PRKD1: variants seen among roughly 807,000 people sequenced by gnomAD.
PRKD1 encodes the protein serine/threonine-protein kinase D1.
Under a neutral mutation model 95.9 loss-of-function variants are expected in PRKD1, and 63 were observed. The observed-to-expected ratio is 0.66, with a 90% CI of 0.54 to 0.81. The LOEUF is 0.81. Among genes scored for constraint, PRKD1 ranks in the 30% least tolerant of loss-of-function variants. PRKD1 has a pLI of 0.00. For synonymous variants in PRKD1, 425 were observed against 423.1 expected (o/e 1.00, Z -0.05); for missense variants, 1,048 against 1,165.3 (o/e 0.90, Z 1.47).
At chr14:29,864,540 T>TA (rs1483578769) in intron 1 of PRKD1, among the ~76,000 whole-genome samples, 2 of 152,106 alleles carry the variant, frequency 1.3e-5, no homozygotes, top group Non-Finnish European at 2.9e-5. Flanking sequence ...CTTTTTCTCC[T>TA]AAAAATACCC....
rs1460293121 is a variant in PRKD1 at position 29,826,732 on chromosome 14, C to T, written c.264+100517G>A. On this transcript the variant is annotated intron_variant, in intron 1 of 17. Transcript: ENST00000331968. ...ACACATATATATATACATATATATA[C>T]ACATATATATACACATATATATATA... 1.3e-3 allele frequency among the ~76,000 whole-genome samples: 68 copies of T among 52,660 alleles called. 2 individuals carry two copies. The highest frequency in any genetic ancestry group is 1.7e-3 in the Non-Finnish European group (48 of 28,422). 34.5% of individuals were successfully genotyped at this position (52,660 alleles called of 152,430 possible). A position where few individuals can be genotyped will look rare whatever the true frequency, so the allele number is the denominator to read the frequency against.
intron 2 of PRKD1, among the ~76,000 whole-genome samples, chr14:29,700,740 C>T (rs566977761): frequency 1.8e-4 from 28 of 152,228 alleles, no homozygotes; most frequent in African/African-American, 6.3e-4. Flanking sequence ...GGGAGGACCT[C>T]GTCCAATCAG....
At chr14:29,874,932 G>C (rs1169851769) in intron 1 of PRKD1, among the ~76,000 whole-genome samples, 3 of 152,088 alleles carry the variant, frequency 2.0e-5, no homozygotes, top group African/African-American at 7.2e-5. Context: ...AAGCAGACCA[G>C]GGTGACTATA....
chr14:29,819,178 A>G (rs1251361970), intron 1 of PRKD1, among the ~76,000 whole-genome samples: 2 of 152,256 alleles, frequency 1.3e-5, no homozygotes, highest in Admixed American at 6.5e-5. Flanking sequence ...TATTGGCTCA[A>G]TTGATAAAAC....
chr14:29,602,607 T>C (rs185956679), intron 13 of PRKD1, among the ~76,000 whole-genome samples: 142 of 151,954 alleles, frequency 9.3e-4, no homozygotes, highest in African/African-American at 3.3e-3. Context: ...TTTTGTATGT[T>C]TTGTAGAGAT....
At chr14:29,681,103 G>A (rs999085670) in intron 2 of PRKD1, among the ~76,000 whole-genome samples, 13 of 152,206 alleles carry the variant, frequency 8.5e-5, no homozygotes, top group Non-Finnish European at 1.5e-4. Context: ...AAATGGTCTA[G>A]GAACTTCTTC....
chr14:29,701,318 G>A (rs376893862), intron 2 of PRKD1, among the ~76,000 whole-genome samples: 11 of 152,100 alleles, frequency 7.2e-5, no homozygotes, highest in African/African-American at 1.4e-4. Flanking sequence ...AAAAATCTAC[G>A]TTTTCACAAG....
Position 29,690,952 on chromosome 14 carries a change from G to A in PRKD1, c.404-24744C>T, listed in dbSNP as rs534523346. Among the ~76,000 whole-genome samples, 140 of 152,108 alleles carry A rather than the reference G, an allele frequency of 9.2e-4. 1 individual carries two copies. Among genetic ancestry groups the A allele is most frequent in the African/African-American group, 2.4e-3 (98 of 41,486 alleles). ...TCTCCCCCATGTGCTTGTCTTTACC[G>A]TGGTAATGTATGATAACTGGTGAAT... On this transcript the variant is annotated intron_variant, in intron 2 of 17. Transcript: ENST00000331968.
Position 29,725,677 on chromosome 14 carries a change from G to A in PRKD1, c.265-3C>T, listed in dbSNP as rs1886106544. On this transcript the variant is annotated splice_polypyrimidine_tract_variant and splice_region_variant and intron_variant, in intron 1 of 17. Transcript: ENST00000331968. ...CCGTAGAAACCACATTCAGGGAACTGCAAATACAAATACCATGAGAGTGTA... is the reference window on the plus strand; with the variant it reads ...CCGTAGAAACCACATTCAGGGAACTACAAATACAAATACCATGAGAGTGTA... 1 of 1,612,518 alleles carries A rather than the reference G, an allele frequency of 6.2e-7. No homozygotes were observed. The highest frequency in any genetic ancestry group is 1.1e-5 in the South Asian group (1 of 90,848).
At chr14:29,893,947 C>G (rs1313530713) in intron 1 of PRKD1, among the ~76,000 whole-genome samples, 1 of 152,168 alleles carries the variant, frequency 6.6e-6, no homozygotes, top group Non-Finnish European at 1.5e-5. Flanking sequence ...AAAGAAATAC[C>G]TGCATATCTT....
intron 1 of PRKD1, among the ~76,000 whole-genome samples, chr14:29,770,886 C>T (rs1352697305): frequency 2.3e-5 from 3 of 129,204 alleles, no homozygotes; most frequent in Admixed American, 9.0e-5. Flanking sequence ...GAGCCATGAT[C>T]GTGCCACTGC....
intron 2 of PRKD1, among the ~76,000 whole-genome samples, chr14:29,668,968 A>G (rs1882683505): frequency 6.6e-6 from 1 of 152,228 alleles, no homozygotes; most frequent in African/African-American, 2.4e-5. Context: ...CACCAGAACC[A>G]TATAAACTCT....
chr14:29,787,035 T>C (rs997517414), intron 1 of PRKD1, among the ~76,000 whole-genome samples: 2 of 152,186 alleles, frequency 1.3e-5, no homozygotes, highest in Non-Finnish European at 2.9e-5. Context: ...TTCTTCAATT[T>C]TCATTTGTTC....
At chr14:29,845,435 T>A (rs914417772) in intron 1 of PRKD1, among the ~76,000 whole-genome samples, 1 of 152,188 alleles carries the variant, frequency 6.6e-6, no homozygotes, top group Non-Finnish European at 1.5e-5. Flanking sequence ...AAACATACTT[T>A]TAAAAATCGT....
At position 29,725,525 on chromosome 14, in the gene PRKD1, A is replaced by C. The variant is rs1163958523; in HGVS notation, c.403+11T>G. The C allele has an allele frequency of 1.2e-6, 2 of 1,611,034 alleles. No homozygotes were observed. On this transcript the variant is annotated intron_variant, in intron 2 of 17. Transcript: ENST00000331968. ...ATCTACGGATAAAGAAAAGGTATAA[A>C]AGTATACTACCTGACAAGACCACTT...
chr14:29,687,158 C>T (rs1320159031), intron 2 of PRKD1, among the ~76,000 whole-genome samples: 2 of 151,892 alleles, frequency 1.3e-5, no homozygotes, highest in Non-Finnish European at 2.9e-5. Flanking sequence ...AAGAAAAAAA[C>T]AGAACAGAGA....
chr14:29,822,598 C>T (rs149513116), intron 1 of PRKD1, among the ~76,000 whole-genome samples: 2,262 of 152,230 alleles, frequency 0.015, 25 homozygotes, highest in Middle Eastern at 0.027. Flanking sequence ...TCCTTAGCTT[C>T]CTAAGGAAGA....
intron 14 of PRKD1, 98 bp from the exon 15 acceptor site, chr14:29,599,223 T>G (rs532716608): frequency 4.6e-5 from 45 of 970,988 alleles, no homozygotes; most frequent in Non-Finnish European, 6.5e-5. Context: ...CAATGGACAT[T>G]CAAATTTCTT....
intron 1 of PRKD1, among the ~76,000 whole-genome samples, chr14:29,889,945 A>G (rs1389775336): frequency 6.6e-6 from 1 of 152,236 alleles, no homozygotes; most frequent in Non-Finnish European, 1.5e-5. Flanking sequence ...TTTATAGAGC[A>G]CCTATTCTAC....
Sources: gnomAD v4.1 joint callset for allele counts (sites outside exome capture counted in the v4.1 genomes callset) on GRCh38, gnomAD v4.1.1 for gene constraint, MANE v1.5 for transcripts, NCBI Gene and HGNC (gene_info 2026-07-23, HGNC 2026-07-21) for gene names.